Variants in SLC71A2 observed in about 807,000 individuals in gnomAD.
SLC71A2 encodes the protein hippocampus abundant transcript-like 1.
At chr9:94,439,542 ATTT>A in the SLC71A2 span, among the ~76,000 whole-genome samples, 18 of 142,592 alleles carry the variant, frequency 1.3e-4, no homozygotes, top group East Asian at 2.0e-4. Flanking sequence ...CTATTAATAG[ATTT>A]TTTTTTTTTT....
the SLC71A2 span, chr9:94,440,958 T>G: frequency 7.0e-7 from 1 of 1,428,652 alleles, no homozygotes; most frequent in Non-Finnish European, 9.8e-7. Flanking sequence ...CCCTTTCCCT[T>G]GGGTCATTAA....
At chr9:94,427,727 G>A in the SLC71A2 span, among the ~76,000 whole-genome samples, 1 of 147,898 alleles carries the variant, frequency 6.8e-6, no homozygotes, top group South Asian at 2.2e-4. Flanking sequence ...CTAAGAGGAA[G>A]CCTGTGGGGA....
At chr9:94,436,113 A>AT in the SLC71A2 span, among the ~76,000 whole-genome samples, 5 of 152,152 alleles carry the variant, frequency 3.3e-5, no homozygotes, top group Non-Finnish European at 5.9e-5. Context: ...GTTACACTGT[A>AT]TTTTTTAATT....
At chr9:94,418,589 C>G in the SLC71A2 span, among the ~76,000 whole-genome samples, 3 of 151,864 alleles carry the variant, frequency 2.0e-5, no homozygotes, top group Non-Finnish European at 4.4e-5. Flanking sequence ...GTGTGTGCCA[C>G]CACGTCCGAC....
chr9:94,375,172 G>A, the SLC71A2 span, among the ~76,000 whole-genome samples: 4 of 152,060 alleles, frequency 2.6e-5, no homozygotes, highest in Admixed American at 2.6e-4. Flanking sequence ...GTGAATATAA[G>A]TAGTAATTTG....
At chr9:94,386,142 T>C in the SLC71A2 span, among the ~76,000 whole-genome samples, 1 of 152,210 alleles carries the variant, frequency 6.6e-6, no homozygotes, top group African/African-American at 2.4e-5. Context: ...CGGTAACGAT[T>C]TGTAGTTTTC....
At chr9:94,391,197 CAAAAAAA>C in the SLC71A2 span, among the ~76,000 whole-genome samples, 22 of 59,078 alleles carry the variant, frequency 3.7e-4, no homozygotes, top group African/African-American at 7.4e-4. Flanking sequence ...ATGTCTCTAC[CAAAAAAA>C]AAAAAAAAAA....
the SLC71A2 span, among the ~76,000 whole-genome samples, chr9:94,388,965 C>T: frequency 1.3e-5 from 2 of 152,168 alleles, no homozygotes; most frequent in East Asian, 1.9e-4. Flanking sequence ...ATCTTCCGTC[C>T]TTCGCCTCAT....
chr9:94,449,778 A>G, the SLC71A2 span, among the ~76,000 whole-genome samples: 317 of 152,372 alleles, frequency 2.1e-3, 1 homozygote, highest in African/African-American at 7.3e-3. Flanking sequence ...TTGTACACAG[A>G]TTATCATTCA....
At chr9:94,410,285 C>T in the SLC71A2 span, among the ~76,000 whole-genome samples, 1 of 151,780 alleles carries the variant, frequency 6.6e-6, no homozygotes, top group Non-Finnish European at 1.5e-5. Context: ...TTGGAGAGAT[C>T]GAGTCTCACT....
At chr9:94,389,025 A>G in the SLC71A2 span, among the ~76,000 whole-genome samples, 8 of 151,860 alleles carry the variant, frequency 5.3e-5, no homozygotes. Flanking sequence ...GCTTTCAGAT[A>G]TATATGCACT....
the SLC71A2 span, among the ~76,000 whole-genome samples, chr9:94,399,836 G>A: frequency 4.7e-5 from 7 of 147,916 alleles, 1 homozygote; most frequent in Middle Eastern, 6.9e-3. Context: ...ATGGAGTTTC[G>A]CTTTTGTTGC....
the SLC71A2 span, among the ~76,000 whole-genome samples, chr9:94,426,156 CT>C: frequency 6.7e-6 from 1 of 149,178 alleles, no homozygotes; most frequent in Non-Finnish European, 1.5e-5. Flanking sequence ...ACTTTGTGCA[CT>C]TTTGGCAGCC....
At chr9:94,458,229 A>T in the SLC71A2 span, 1 of 1,086,932 alleles carries the variant, frequency 9.2e-7, no homozygotes, top group Non-Finnish European at 1.3e-6. Context: ...TTGCCGAATT[A>T]GTGTATCATG....
the SLC71A2 span, chr9:94,461,034 TCAAAAAAATTTTATTTTTAA>T: frequency 1.3e-5 from 2 of 152,102 alleles, no homozygotes; most frequent in Non-Finnish European, 2.9e-5. Flanking sequence ...GTATGTATTT[TCAAAAAAATTTTATTTTTAA>T]CAAAATTCCT....
At chr9:94,450,362 G>A in the SLC71A2 span, among the ~76,000 whole-genome samples, 1 of 152,070 alleles carries the variant, frequency 6.6e-6, no homozygotes, top group Non-Finnish European at 1.5e-5. Flanking sequence ...CTAGCCCTAG[G>A]ACTTTTCATT....
the SLC71A2 span, among the ~76,000 whole-genome samples, chr9:94,379,579 T>C: frequency 1.3e-5 from 2 of 151,262 alleles, no homozygotes; most frequent in African/African-American, 4.9e-5. Context: ...TTTGTAGAGA[T>C]TGGGTCTCAC....
the SLC71A2 span, among the ~76,000 whole-genome samples, chr9:94,441,612 A>C: frequency 6.6e-6 from 1 of 152,192 alleles, no homozygotes; most frequent in Non-Finnish European, 1.5e-5. Flanking sequence ...TCCCCGGAGG[A>C]GCGTTAAGCA....
the SLC71A2 span, among the ~76,000 whole-genome samples, chr9:94,406,066 ATTTT>A: frequency 4.9e-4 from 31 of 63,598 alleles, no homozygotes; most frequent in Admixed American, 1.1e-3. Flanking sequence ...TGCAACTTGA[ATTTT>A]TTTTTTTTTT....
Sources: gnomAD v4.1 joint callset for allele counts (sites outside exome capture counted in the v4.1 genomes callset) on GRCh38, gnomAD v4.1.1 for gene constraint, MANE v1.5 for transcripts, NCBI Gene and HGNC (gene_info 2026-07-23, HGNC 2026-07-21) for gene names.